MID2: variants seen among roughly 807,000 people sequenced by gnomAD.
The protein encoded by MID2 is midline 2, also known as probable E3 ubiquitin-protein ligase MID2.
MID2 carries 13 observed loss-of-function variants against 46.1 expected under a neutral mutation model. That is an observed-to-expected ratio of 0.28 (90% confidence interval 0.18 to 0.45). The LOEUF is 0.45. Ranked by LOEUF, MID2 falls within the 20% of genes least tolerant of loss-of-function variation. MID2 has a pLI of 1.00. For missense variants in MID2, 431 were observed against 575.4 expected, an observed-to-expected ratio of 0.75 and a Z score of 2.57; for synonymous variants, 199 against 212.3, an observed-to-expected ratio of 0.94 and a Z score of 0.55.
intron 5 of MID2, among the ~76,000 whole-genome samples, chrX:107,914,590 A>G (rs1226107587): frequency 1.8e-5 from 2 of 112,103 alleles, no homozygotes; most frequent in African/African-American, 3.2e-5. Flanking sequence ...CCTACATTCA[A>G]TGCCTTTTCT....
intron 5 of MID2, among the ~76,000 whole-genome samples, chrX:107,905,894 A>G (rs1046120485): frequency 1.8e-5 from 2 of 111,769 alleles, no homozygotes; most frequent in African/African-American, 6.5e-5. Context: ...TGAGTTTTCT[A>G]TGATGGTGTT....
chrX:107,878,612 G>A (rs1342513586), intron 3 of MID2, among the ~76,000 whole-genome samples: 1 of 112,252 alleles, frequency 8.9e-6, no homozygotes, highest in Non-Finnish European at 1.9e-5. Flanking sequence ...TGGGGATGGG[G>A]TCCAGTTCAG....
intron 9 of MID2, 167 bp from the exon 10 acceptor site, chrX:107,926,504 T>C: frequency 1.6e-6 from 1 of 609,867 alleles, no homozygotes. Flanking sequence ...CACATTGCTC[T>C]AATTGCTAAC....
rs1414944741 is a variant in MID2 at position 107,928,088 on chromosome X, G to A, written c.*1015G>A. Among the ~76,000 whole-genome samples, 1 of 111,636 alleles carries A rather than the reference G, an allele frequency of 9.0e-6. No individual in the cohort carries two copies. The highest frequency in any genetic ancestry group is 1.9e-5 in the Non-Finnish European group (1 of 53,089). On this transcript the variant is annotated 3_prime_UTR_variant, in exon 10 of 10. Coordinates refer to ENST00000262843, the MANE Select transcript of MID2 (RefSeq NM_012216.4). ...ACTACTCCCAAGTACACACAGTTATGAGAATTAGGCTTTTAAAAAGTTGCA... is the reference window on the plus strand; with the variant it reads ...ACTACTCCCAAGTACACACAGTTATAAGAATTAGGCTTTTAAAAAGTTGCA...
intron 3 of MID2, among the ~76,000 whole-genome samples, chrX:107,858,292 G>A (rs760560489): frequency 2.7e-5 from 3 of 112,118 alleles, no homozygotes; most frequent in East Asian, 5.6e-4. Context: ...GGAAGGGCAT[G>A]CTTTGACCTT....
At chrX:107,926,601 T>C (rs1261670570) in intron 9 of MID2, 70 bp from the exon 10 acceptor site, 7 of 983,191 alleles carry the variant, frequency 7.1e-6, no homozygotes, top group Non-Finnish European at 9.9e-6. Context: ...TTATATATCA[T>C]ATATGGTGTC....
chrX:107,860,785 G>A (rs1931837118), intron 3 of MID2, among the ~76,000 whole-genome samples: 1 of 112,389 alleles, frequency 8.9e-6, no homozygotes, highest in Non-Finnish European at 1.9e-5. Flanking sequence ...CTTAATATGT[G>A]TTAACTCATT....
intron 3 of MID2, among the ~76,000 whole-genome samples, chrX:107,869,717 C>T (rs1460811439): frequency 1.0e-4 from 11 of 110,265 alleles, no homozygotes; most frequent in Non-Finnish European, 1.7e-4. Context: ...TACTCTTGTC[C>T]GTGCTGTGAA....
chrX:107,885,089 T>C (rs1266102861), intron 3 of MID2, among the ~76,000 whole-genome samples: 2 of 99,973 alleles, frequency 2.0e-5, no homozygotes, highest in Non-Finnish European at 4.0e-5. Context: ...TTGTTTTTTT[T>C]CCAGGAGAAT....
intron 3 of MID2, among the ~76,000 whole-genome samples, chrX:107,883,971 G>A (rs1205160130): frequency 8.9e-6 from 1 of 112,410 alleles, no homozygotes; most frequent in East Asian, 2.8e-4. Context: ...AAATAAGGAC[G>A]ACTTAGCCTT....
intron 7 of MID2, among the ~76,000 whole-genome samples, chrX:107,918,853 G>A (rs1312400761): frequency 3.6e-5 from 4 of 112,412 alleles, no homozygotes; most frequent in Non-Finnish European, 7.5e-5. Context: ...GAAGAAGTCT[G>A]AGAAGTGACA....
In MID2 at chrX:107,916,223, T is replaced by G. The variant is rs993118522; in HGVS notation, c.1201+94T>G. The G allele has an allele frequency of 1.4e-5, 10 of 714,904 alleles. No homozygotes were observed. In the South Asian group the frequency reaches 2.2e-4, roughly 16 times the overall value. The allele number at this position is 714,904 out of a possible 1,213,427, so 58.9% of individuals were successfully genotyped here. On this transcript the variant is annotated intron_variant, in intron 6 of 9. Coordinates refer to ENST00000262843, the MANE Select transcript of MID2 (RefSeq NM_012216.4). ...ATTTGAAAAAGACAATATTTATAAT[T>G]TACATATTTTATAATCTTTAAAATG...
intron 7 of MID2, among the ~76,000 whole-genome samples, chrX:107,919,124 G>A (rs775992750): frequency 2.7e-5 from 3 of 110,313 alleles, no homozygotes; most frequent in Non-Finnish European, 5.7e-5. Context: ...ATAAATAATG[G>A]CCAGTGCTTC....
intron 3 of MID2, among the ~76,000 whole-genome samples, chrX:107,870,445 G>A (rs1008711969): frequency 1.6e-4 from 18 of 110,255 alleles, no homozygotes; most frequent in Non-Finnish European, 3.0e-4. Context: ...AAACCATCTA[G>A]GCCTGGAGCC....
At chrX:107,925,819 C>T (rs1308303122) in intron 8 of MID2, among the ~76,000 whole-genome samples, 1 of 110,813 alleles carries the variant, frequency 9.0e-6, no homozygotes, top group Non-Finnish European at 1.9e-5. Flanking sequence ...CCTCAAATTG[C>T]TTTTAGGAGA....
At chrX:107,913,993 T>C (rs1460323857) in intron 5 of MID2, among the ~76,000 whole-genome samples, 1 of 112,483 alleles carries the variant, frequency 8.9e-6, no homozygotes, top group East Asian at 2.8e-4. Context: ...TAGTCTTTGC[T>C]TAGTTAACTC....
chrX:107,901,808 T>C, intron 3 of MID2, among the ~76,000 whole-genome samples: 1 of 111,867 alleles, frequency 8.9e-6, no homozygotes, highest in East Asian at 2.8e-4. Context: ...AGAAATGTGT[T>C]CAGTAAACAG....
intron 9 of MID2, 147 bp from the exon 10 acceptor site, chrX:107,926,524 C>A (rs1933181998): frequency 1.6e-6 from 1 of 625,518 alleles, no homozygotes; most frequent in Non-Finnish European, 2.4e-6. Context: ...CTTTTTAAAG[C>A]TCTAGTGATA....
chrX:107,852,903 G>A (rs1931659612), intron 2 of MID2, among the ~76,000 whole-genome samples: 1 of 111,642 alleles, frequency 9.0e-6, no homozygotes, highest in Admixed American at 9.5e-5. Flanking sequence ...AATGGAGATA[G>A]CAGCGTAGCA....
Sources: gnomAD v4.1 joint callset for allele counts (sites outside exome capture counted in the v4.1 genomes callset) on GRCh38, gnomAD v4.1.1 for gene constraint, MANE v1.5 for transcripts, NCBI Gene and HGNC (gene_info 2026-07-23, HGNC 2026-07-21) for gene names.